SGCZ: variants seen among roughly 807,000 people sequenced by gnomAD.
SGCZ encodes zeta-sarcoglycan.
A neutral mutation model predicts 41.3 loss-of-function variants in SGCZ; 40 were observed. The ratio of observed to expected loss-of-function variants is 0.97; its 90% CI spans 0.75 to 1.26. The LOEUF is 1.26. Among genes scored for constraint, SGCZ ranks in the 50% most tolerant of loss-of-function variants. The pLI, the probability that SGCZ is intolerant of heterozygous loss-of-function variation, is 0.00. For synonymous variants in SGCZ, 206 were observed against 137.5 expected (o/e 1.50, Z -3.49); for missense variants, 552 against 369.8 (o/e 1.49, Z -4.04).
At chr8:14,468,674 A>G (rs1433626117) in intron 2 of SGCZ, among the ~76,000 whole-genome samples, 3 of 152,074 alleles carry the variant, frequency 2.0e-5, no homozygotes, top group Middle Eastern at 3.2e-3. Context: ...CGTAGACACT[A>G]ACACCTTAAG....
intron 1 of SGCZ, among the ~76,000 whole-genome samples, chr8:15,183,223 A>G (rs1415875123): frequency 6.6e-6 from 1 of 152,238 alleles, no homozygotes; most frequent in Non-Finnish European, 1.5e-5. Context: ...AAATACATAA[A>G]CCAGTAACAT....
chr8:14,991,265 A>G (rs1324281010), intron 1 of SGCZ, among the ~76,000 whole-genome samples: 1 of 152,116 alleles, frequency 6.6e-6, no homozygotes, highest in Non-Finnish European at 1.5e-5. Context: ...AACAGGCTCG[A>G]TAGTAATAGG....
At chr8:14,574,424 T>G (rs1804648538) in intron 1 of SGCZ, among the ~76,000 whole-genome samples, 1 of 152,160 alleles carries the variant, frequency 6.6e-6, no homozygotes, top group Admixed American at 6.5e-5. Context: ...TCCCCCAGCT[T>G]TCTGTGTAAG....
At chr8:15,094,217 C>G (rs1032460802) in intron 1 of SGCZ, among the ~76,000 whole-genome samples, 2 of 152,004 alleles carry the variant, frequency 1.3e-5, no homozygotes, top group African/African-American at 4.8e-5. Context: ...TCACTGCTAA[C>G]TCTACCTCCC....
At chr8:14,861,035 A>C (rs1199723813) in intron 1 of SGCZ, among the ~76,000 whole-genome samples, 1 of 152,192 alleles carries the variant, frequency 6.6e-6, no homozygotes, top group African/African-American at 2.4e-5. Flanking sequence ...ATGTCCCTGC[A>C]GCACAGAATT....
At chr8:14,947,666 T>C (rs1324164310) in intron 1 of SGCZ, among the ~76,000 whole-genome samples, 1 of 152,190 alleles carries the variant, frequency 6.6e-6, no homozygotes, top group African/African-American at 2.4e-5. Flanking sequence ...TATCATTAAG[T>C]ATTTTATTCA....
At position 14,237,743 on chromosome 8, in the gene SGCZ, A is replaced by G. The variant is rs188948767; in HGVS notation, c.337-64T>C. The G allele has an allele frequency of 9.2e-4, 1,126 of 1,228,334 alleles. 16 individuals carry two copies. The East Asian group carries it at 0.022, about 24-fold the overall frequency. 76.1% of individuals were successfully genotyped at this position (1,228,334 alleles called of 1,614,324 possible). ...AATATCGTCAAATTTACAAAAAAAT[A>G]TACTGCATTTGTTTGGATATTCTGA... On this transcript the variant is annotated intron_variant, in intron 3 of 7. Transcript: ENST00000382080.
At chr8:15,075,606 C>G (rs1285125512) in intron 1 of SGCZ, among the ~76,000 whole-genome samples, 1 of 152,098 alleles carries the variant, frequency 6.6e-6, no homozygotes, top group Non-Finnish European at 1.5e-5. Flanking sequence ...AGAGCCTGGA[C>G]TAGAAATTTG....
chr8:15,183,511 C>CA (rs1338622449), intron 1 of SGCZ, among the ~76,000 whole-genome samples: 1 of 152,186 alleles, frequency 6.6e-6, no homozygotes, highest in Non-Finnish European at 1.5e-5. Flanking sequence ...TTTGATAACT[C>CA]AGAGATGTCA....
At chr8:14,393,147 G>A (rs1365308621) in intron 2 of SGCZ, among the ~76,000 whole-genome samples, 3 of 152,074 alleles carry the variant, frequency 2.0e-5, no homozygotes, top group Non-Finnish European at 2.9e-5. Context: ...TGTCTGATAC[G>A]TATAAAGGAT....
intron 1 of SGCZ, among the ~76,000 whole-genome samples, chr8:15,034,393 G>T (rs1313689087): frequency 6.6e-6 from 1 of 151,904 alleles, no homozygotes; most frequent in Non-Finnish European, 1.5e-5. Context: ...CTGAAGGTAG[G>T]TTACTTTCAA....
chr8:14,895,227 C>T (rs552831229), intron 1 of SGCZ, among the ~76,000 whole-genome samples: 1 of 152,254 alleles, frequency 6.6e-6, no homozygotes, highest in East Asian at 1.9e-4. Flanking sequence ...GTGGTGGTTA[C>T]TTGGGTTCAA....
At chr8:14,467,530 G>C (rs1010243903) in intron 2 of SGCZ, among the ~76,000 whole-genome samples, 1 of 152,012 alleles carries the variant, frequency 6.6e-6, no homozygotes, top group South Asian at 2.1e-4. Context: ...CATGTGTTGA[G>C]GGCTCTGAGA....
At chr8:15,106,444 T>C (rs1806827664) in intron 1 of SGCZ, among the ~76,000 whole-genome samples, 2 of 152,106 alleles carry the variant, frequency 1.3e-5, no homozygotes, top group South Asian at 4.1e-4. Context: ...TAAATTTTTC[T>C]CTTATAAGCT....
At chr8:14,694,334 C>T (rs1808891566) in intron 1 of SGCZ, among the ~76,000 whole-genome samples, 1 of 152,176 alleles carries the variant, frequency 6.6e-6, no homozygotes, top group South Asian at 2.1e-4. Context: ...CCCTTTAATA[C>T]AGGCAAAGAA....
intron 1 of SGCZ, among the ~76,000 whole-genome samples, chr8:14,659,142 T>G (rs1046077724): frequency 2.0e-5 from 3 of 152,164 alleles, no homozygotes; most frequent in Non-Finnish European, 4.4e-5. Flanking sequence ...ACATTTATTT[T>G]CCAAACCTCT....
At chr8:14,833,506 G>T (rs900389536) in intron 1 of SGCZ, among the ~76,000 whole-genome samples, 1 of 152,158 alleles carries the variant, frequency 6.6e-6, no homozygotes, top group Non-Finnish European at 1.5e-5. Context: ...GAGCACTTCT[G>T]TGAACTGACA....
chr8:14,242,159 G>C lies in SGCZ; in HGVS notation c.337-4480C>G, dbSNP rs564107541. 2.0e-5 allele frequency among the ~76,000 whole-genome samples: 3 copies of C among 152,228 alleles called. No homozygotes were observed. In the South Asian group the frequency reaches 6.2e-4, roughly 32 times the overall value. On this transcript the variant is annotated intron_variant, in intron 3 of 7. Transcript: ENST00000382080. ...GTGTGACAGATATTTCCTTAAAAAA[G>C]CATTAGTAATATTGTTGAGAAGATA... is the stretch of plus-strand genomic sequence containing the variant.
At chr8:14,155,579 T>C (rs747247309) in intron 5 of SGCZ, among the ~76,000 whole-genome samples, 15 of 152,120 alleles carry the variant, frequency 9.9e-5, no homozygotes, top group Admixed American at 2.6e-4. Context: ...GCTTTTCTAA[T>C]CCTATGATTT....
Sources: allele counts gnomAD v4.1 joint callset (sites outside exome capture counted in the v4.1 genomes callset), GRCh38; gene constraint gnomAD v4.1.1; transcripts MANE v1.5; gene names NCBI Gene and HGNC (gene_info 2026-07-23, HGNC 2026-07-21).